ROR1: variants seen among roughly 807,000 people sequenced by gnomAD.
ROR1 encodes the protein ROR family WNT receptor 1.
Under a neutral mutation model 78.8 loss-of-function variants are expected in ROR1, and 19 were observed. The observed-to-expected ratio is 0.24, with a 90% CI of 0.17 to 0.35. The LOEUF (loss-of-function observed/expected upper bound fraction) is 0.35. Among genes scored for constraint, ROR1 ranks in the 10% least tolerant of loss-of-function variants. The pLI is 1.00. For synonymous variants in ROR1, 386 were observed against 433.6 expected (o/e 0.89, Z 1.36); for missense variants, 917 against 1,177.8 (o/e 0.78, Z 3.24).
intron 1 of ROR1, among the ~76,000 whole-genome samples, chr1:63,809,695 A>G (rs1298505712): frequency 3.9e-5 from 6 of 152,220 alleles, no homozygotes; most frequent in South Asian, 2.1e-4. Context: ...AAAGAAAGAA[A>G]GTTGCTCATG....
intron 4 of ROR1, among the ~76,000 whole-genome samples, chr1:64,053,766 G>A (rs1646851932): frequency 6.6e-6 from 1 of 152,138 alleles, no homozygotes; most frequent in African/African-American, 2.4e-5. Flanking sequence ...ATGTCTGGAT[G>A]TTTTGTTCAT....
intron 1 of ROR1, among the ~76,000 whole-genome samples, chr1:63,911,958 T>A (rs1482533087): frequency 6.6e-6 from 1 of 151,952 alleles, no homozygotes; most frequent in Non-Finnish European, 1.5e-5. Flanking sequence ...CACGTGTGTG[T>A]GGAGGTGCTG....
At chr1:64,012,125 G>T (rs1380521467) in intron 2 of ROR1, among the ~76,000 whole-genome samples, 1 of 152,142 alleles carries the variant, frequency 6.6e-6, no homozygotes, top group East Asian at 1.9e-4. Context: ...TCTTTGAGGA[G>T]GAATTAAGCA....
chr1:63,999,039 A>G (rs1316059049), intron 1 of ROR1, among the ~76,000 whole-genome samples: 1 of 152,200 alleles, frequency 6.6e-6, no homozygotes, highest in Non-Finnish European at 1.5e-5. Flanking sequence ...CTCTCCAGCC[A>G]CGTGGAATTG....
rs560408501 is a variant in ROR1 at position 63,936,274 on chromosome 1, C to T, written c.92-73031C>T. 1.3e-4 allele frequency among the ~76,000 whole-genome samples: 20 copies of T among 152,278 alleles called. No individual in the cohort carries two copies. The South Asian group carries it at 2.7e-3, about 21-fold the overall frequency. ...TATCACGGAGCACTTGCAATCTATT[C>T]GTTTTCTGCCTTGGTTTATCAAAGC... On this transcript the variant is annotated intron_variant, in intron 1 of 8. Transcript: ENST00000371079.
intron 1 of ROR1, among the ~76,000 whole-genome samples, chr1:63,819,345 T>C (rs1177448579): frequency 8.5e-5 from 13 of 152,166 alleles, no homozygotes. Flanking sequence ...GGCACTGACT[T>C]ATGAGGGCAG....
At position 64,049,870 on chromosome 1, in the gene ROR1, C is replaced by T. The variant is rs1022847057; in HGVS notation, c.343C>T (p.Arg115Trp). The T allele has an allele frequency of 2.5e-6, 4 of 1,614,084 alleles. No homozygotes were observed. The highest frequency in any genetic ancestry group is 1.3e-5 in the African/African-American group (1 of 74,932). Residue 115 changes from arginine (R) to tryptophan (W), a missense_variant, in exon 3 of 9, where the codon CGG (arginine) becomes TGG (tryptophan). Physicochemically the swap from Arg to Trp is moderately radical, Grantham distance 101. Transcript: ENST00000371079. ...LSFRSTIYGS[R>W]LRIRNLDTTD... Reference sequence around the variant, plus strand: ...CTTTCGGTCCACCATCTATGGCTCTCGGCTGCGGATTAGAAACCTCGACAC... The same window carrying T: ...CTTTCGGTCCACCATCTATGGCTCTTGGCTGCGGATTAGAAACCTCGACAC...
intron 1 of ROR1, among the ~76,000 whole-genome samples, chr1:63,919,640 T>C (rs536001506): frequency 2.6e-5 from 4 of 152,304 alleles, no homozygotes; most frequent in Non-Finnish European, 2.9e-5. Context: ...TTGGTTTCCA[T>C]TGGCCTTGCT....
chr1:64,051,285 C>T (rs1331503463), intron 4 of ROR1, among the ~76,000 whole-genome samples: 1 of 151,546 alleles, frequency 6.6e-6, no homozygotes, highest in Admixed American at 6.6e-5. Flanking sequence ...CCCGTCTCTA[C>T]TAAAAATACA....
intron 4 of ROR1, among the ~76,000 whole-genome samples, chr1:64,084,713 CA>C (rs1375977833): frequency 1.3e-5 from 2 of 152,212 alleles, no homozygotes; most frequent in Non-Finnish European, 2.9e-5. Flanking sequence ...TCTATGTCTG[CA>C]AGTATGACTT....
intron 2 of ROR1, among the ~76,000 whole-genome samples, chr1:64,032,059 A>G (rs979179198): frequency 6.6e-6 from 1 of 152,056 alleles, no homozygotes; most frequent in African/African-American, 2.4e-5. Context: ...TATACAAAAT[A>G]TGGCCGGGCG....
At chr1:63,940,745 T>C (rs777295572) in intron 1 of ROR1, among the ~76,000 whole-genome samples, 1 of 152,168 alleles carries the variant, frequency 6.6e-6, no homozygotes, top group Non-Finnish European at 1.5e-5. Flanking sequence ...GGGTTTAAAG[T>C]ATCTCCCCAC....
At chr1:63,885,962 A>G (rs1168226471) in intron 1 of ROR1, among the ~76,000 whole-genome samples, 1 of 152,106 alleles carries the variant, frequency 6.6e-6, no homozygotes, top group Non-Finnish European at 1.5e-5. Context: ...TACACAACTC[A>G]CCATAATGTA....
At chr1:64,152,680 T>G (rs1034180227) in intron 7 of ROR1, among the ~76,000 whole-genome samples, 2 of 152,216 alleles carry the variant, frequency 1.3e-5, no homozygotes, top group Non-Finnish European at 2.9e-5. Flanking sequence ...AAATTTCAGC[T>G]TCTGGTTTGG....
chr1:63,977,371 A>G (rs1246616420), intron 1 of ROR1, among the ~76,000 whole-genome samples: 1 of 152,110 alleles, frequency 6.6e-6, no homozygotes, highest in Non-Finnish European at 1.5e-5. Flanking sequence ...TCGGGTGTGG[A>G]ATTTTTCACC....
intron 8 of ROR1, among the ~76,000 whole-genome samples, chr1:64,163,409 C>T (rs561953460): frequency 6.6e-6 from 1 of 151,592 alleles, no homozygotes; most frequent in South Asian, 2.1e-4. Context: ...CAGAGTGAGA[C>T]TCATCTCAAA....
intron 4 of ROR1, among the ~76,000 whole-genome samples, chr1:64,066,193 C>A (rs959420995): frequency 2.0e-5 from 3 of 152,228 alleles, no homozygotes; most frequent in African/African-American, 7.2e-5. Flanking sequence ...ACATGAAACC[C>A]CAACTTTCTC....
chr1:64,125,540 G>A (rs531286465), intron 4 of ROR1, among the ~76,000 whole-genome samples: 5 of 152,120 alleles, frequency 3.3e-5, no homozygotes, highest in East Asian at 1.9e-4. Context: ...ATACGATTCC[G>A]TACTACGAGC....
intron 7 of ROR1, chr1:64,142,902 C>A (rs953372329): frequency 1.5e-6 from 2 of 1,324,618 alleles, no homozygotes; most frequent in African/African-American, 2.9e-5. Flanking sequence ...GGGACCCAGC[C>A]CTTCAGAGGC....
Sources: allele counts gnomAD v4.1 joint callset (sites outside exome capture counted in the v4.1 genomes callset), GRCh38; gene constraint gnomAD v4.1.1; transcripts MANE v1.5; gene names NCBI Gene and HGNC (gene_info 2026-07-23, HGNC 2026-07-21).